Variants in EXOC4 observed in about 807,000 individuals in gnomAD.
The protein encoded by EXOC4 is SEC8-like 1.
Under a neutral mutation model 107.2 loss-of-function variants are expected in EXOC4, and 71 were observed. The ratio of observed to expected loss-of-function variants is 0.66; its 90% CI spans 0.55 to 0.81. EXOC4 has a LOEUF of 0.81. Among genes scored for constraint, EXOC4 ranks in the 30% least tolerant of loss-of-function variants. The pLI, the probability that EXOC4 is intolerant of heterozygous loss-of-function variation, is 0.00. For missense variants in EXOC4, 1,108 were observed against 1,189.6 expected, an observed-to-expected ratio of 0.93 and a Z score of 1.01; for synonymous variants, 456 against 441.2, an observed-to-expected ratio of 1.03 and a Z score of -0.42.
chr7:133,823,012 A>G (rs1328203362), intron 11 of EXOC4, among the ~76,000 whole-genome samples: 2 of 152,242 alleles, frequency 1.3e-5, no homozygotes, highest in African/African-American at 4.8e-5. Flanking sequence ...TTCCAAGTAC[A>G]GGATGAGCCT....
intron 9 of EXOC4, among the ~76,000 whole-genome samples, chr7:133,567,987 G>T (rs1041743656): frequency 6.6e-6 from 1 of 152,108 alleles, no homozygotes; most frequent in Admixed American, 6.5e-5. Context: ...CCACCATAGT[G>T]TACCATTTTA....
intron 5 of EXOC4, among the ~76,000 whole-genome samples, chr7:133,324,823 C>G (rs1795199586): frequency 6.6e-6 from 1 of 152,106 alleles, no homozygotes; most frequent in African/African-American, 2.4e-5. Context: ...TAAAGTCTCC[C>G]ATTATTATTG....
At chr7:133,886,143 A>G (rs1175707844) in intron 11 of EXOC4, among the ~76,000 whole-genome samples, 5 of 152,230 alleles carry the variant, frequency 3.3e-5, no homozygotes, top group Admixed American at 2.6e-4. Flanking sequence ...GCTATGAACA[A>G]TGGTTTCATT....
intron 9 of EXOC4, among the ~76,000 whole-genome samples, chr7:133,497,747 C>T (rs1212046818): frequency 1.3e-5 from 2 of 151,952 alleles, no homozygotes; most frequent in Non-Finnish European, 2.9e-5. Context: ...CACTTTGCCT[C>T]CTTGTCTGGG....
chr7:133,894,714 G>C lies in EXOC4; in HGVS notation c.1735-885G>C, dbSNP rs1280068276. 2.4e-5 allele frequency among the ~76,000 whole-genome samples: 2 copies of C among 83,134 alleles called. 1 individual carries two copies. The highest frequency in any genetic ancestry group is 4.2e-5 in the Non-Finnish European group (2 of 47,138). The allele number at this position is 83,134 out of a possible 152,430, so 54.5% of individuals were successfully genotyped here. A position where few individuals can be genotyped will look rare whatever the true frequency, so the allele number is the denominator to read the frequency against. ...TGTGAGGTGTCAGTGTGCCCCTGCTGGGGGGTGACTCCCAGTTAGGCTGCT... is the reference window on the plus strand; with the variant it reads ...TGTGAGGTGTCAGTGTGCCCCTGCTCGGGGGTGACTCCCAGTTAGGCTGCT... On this transcript the variant is annotated intron_variant, in intron 11 of 17. Transcript: ENST00000253861.
intron 4 of EXOC4, chr7:133,315,018 C>T (rs1172250234): frequency 3.3e-5 from 5 of 152,812 alleles, no homozygotes; most frequent in African/African-American, 1.2e-4. Context: ...TGAAGAACCC[C>T]AGGATTTTCT....
At chr7:133,692,511 T>C (rs1303387566) in intron 10 of EXOC4, among the ~76,000 whole-genome samples, 1 of 152,196 alleles carries the variant, frequency 6.6e-6, no homozygotes, top group African/African-American at 2.4e-5. Context: ...CAGGAAATTA[T>C]TGTTGTGTGA....
At chr7:133,758,693 C>T (rs1795968582) in intron 10 of EXOC4, among the ~76,000 whole-genome samples, 1 of 150,946 alleles carries the variant, frequency 6.6e-6, no homozygotes, top group African/African-American at 2.4e-5. Context: ...AAAATAGACA[C>T]ATGCTATATA....
rs1236430551 is a variant in EXOC4 at position 134,064,349 on chromosome 7, C to G, written c.2746C>G (p.Gln916Glu). The part of the protein sequence containing the change: ...ADELLNLVVD[Q>E]GVKYTELEYI... ...CGAGCTCCTGAACCTGGTGGTGGAC[C>G]AGGGTGTGAAGTACACGGAGCTGGA... The change falls in exon 18 of 18, where the codon CAG becomes GAG. Residue 916 changes from glutamine to glutamate, a missense_variant. Physicochemically the swap from Gln to Glu is conservative, Grantham distance 29. Transcript: ENST00000253861. 6.6e-7 allele frequency: 1 copy of G among 1,522,740 alleles called. No individual in the cohort carries two copies. Among genetic ancestry groups the G allele is most frequent in the East Asian group, 2.4e-5 (1 of 41,318 alleles). The allele number at this position is 1,522,740 out of a possible 1,614,324, so 94.3% of individuals were successfully genotyped here. A position where few individuals can be genotyped will look rare whatever the true frequency, so the allele number is the denominator to read the frequency against.
the EXOC4 span, among the ~76,000 whole-genome samples, chr7:134,073,671 T>C: frequency 6.6e-6 from 1 of 152,140 alleles, no homozygotes; most frequent in South Asian, 2.1e-4. Context: ...ATTCTTTTTT[T>C]TTTTAATTTT....
chr7:133,756,351 T>G (rs1795916922), intron 10 of EXOC4, among the ~76,000 whole-genome samples: 1 of 152,198 alleles, frequency 6.6e-6, no homozygotes, highest in African/African-American at 2.4e-5. Context: ...TGTTACTTTT[T>G]CACAAGAGTT....
At position 133,640,565 on chromosome 7, in the gene EXOC4, G is replaced by A. The variant is rs565635543; in HGVS notation, c.1514+10424G>A. ...CTTGTGGGGCCAAGGAGGTTCTCAGGGCAGTAAGAGATCTTGCGGTGGAGC... is the reference window on the plus strand; with the variant it reads ...CTTGTGGGGCCAAGGAGGTTCTCAGAGCAGTAAGAGATCTTGCGGTGGAGC... On this transcript the variant is annotated intron_variant, in intron 10 of 17. Coordinates refer to ENST00000253861, the MANE Select transcript of EXOC4 (RefSeq NM_021807.4). Among the ~76,000 whole-genome samples, 94 of 152,242 alleles carry A rather than the reference G, an allele frequency of 6.2e-4. 1 individual carries two copies. Among genetic ancestry groups the A allele is most frequent in the African/African-American group, 2.2e-3 (92 of 41,544 alleles).
intron 17 of EXOC4, among the ~76,000 whole-genome samples, chr7:134,045,237 TA>T (rs1795622568): frequency 6.6e-6 from 1 of 152,250 alleles, no homozygotes; most frequent in South Asian, 2.1e-4. Flanking sequence ...TTCTAACCTA[TA>T]TTTCTCGTAA....
intron 17 of EXOC4, among the ~76,000 whole-genome samples, chr7:134,057,793 G>C (rs770283709): frequency 3.9e-5 from 6 of 152,086 alleles, no homozygotes; most frequent in Non-Finnish European, 8.8e-5. Flanking sequence ...CGCTGTAAAG[G>C]TTTAAAATCC....
chr7:133,705,539 A>T (rs2151091115), intron 10 of EXOC4, among the ~76,000 whole-genome samples: 1 of 152,324 alleles, frequency 6.6e-6, no homozygotes, highest in East Asian at 1.9e-4. Context: ...AGTTACCCAT[A>T]GTCAATTGTG....
At chr7:133,419,928 A>T (rs1479305409) in intron 7 of EXOC4, among the ~76,000 whole-genome samples, 1 of 149,082 alleles carries the variant, frequency 6.7e-6, no homozygotes, top group Non-Finnish European at 1.5e-5. Flanking sequence ...CTCTGGGTTC[A>T]CCTGAGAGGC....
At chr7:134,035,534 A>G (rs1195872211) in intron 17 of EXOC4, among the ~76,000 whole-genome samples, 1 of 152,232 alleles carries the variant, frequency 6.6e-6, no homozygotes, top group Non-Finnish European at 1.5e-5. Context: ...GATGAGCCAT[A>G]TCTTTGTCTT....
chr7:133,465,923 G>T (rs186805347), intron 7 of EXOC4, among the ~76,000 whole-genome samples: 1 of 152,220 alleles, frequency 6.6e-6, no homozygotes, highest in African/African-American at 2.4e-5. Flanking sequence ...ATCACCAGAG[G>T]TCAGGAGTTG....
At chr7:133,917,477 G>T in intron 12 of EXOC4, 106 bp from the exon 13 acceptor site, 2 of 1,092,524 alleles carry the variant, frequency 1.8e-6, no homozygotes, top group Non-Finnish European at 2.7e-6. Context: ...ATGTTCAAAG[G>T]AGAGATGAGT....
Sources: gnomAD v4.1 joint callset for allele counts (sites outside exome capture counted in the v4.1 genomes callset) on GRCh38, gnomAD v4.1.1 for gene constraint, MANE v1.5 for transcripts, NCBI Gene and HGNC (gene_info 2026-07-23, HGNC 2026-07-21) for gene names.